Variants in CDC27 observed in about 807,000 individuals in gnomAD.
CDC27 encodes cell division cycle 27.
In CDC27, 27 loss-of-function variants were observed where a neutral mutation model predicts 109.7. That is an observed-to-expected ratio of 0.25 (90% CI 0.18 to 0.34). CDC27 has a LOEUF of 0.34. Ranked by LOEUF, CDC27 falls within the 10% of genes least tolerant of loss-of-function variation. CDC27 has a pLI of 1.00. For missense variants in CDC27, 579 were observed against 960.2 expected, an observed-to-expected ratio of 0.60 and a Z score of 5.25; for synonymous variants, 266 against 333.9, an observed-to-expected ratio of 0.80 and a Z score of 2.22.
At chr17:47,124,105 T>C in intron 16 of CDC27, 145 bp from the exon 17 acceptor site, 1 of 565,252 alleles carries the variant, frequency 1.8e-6, no homozygotes, top group Non-Finnish European at 3.1e-6. Flanking sequence ...TTAGTTCTTA[T>C]TGCTGTGAAA....
At chr17:47,167,657 C>CT (rs1447000629) in intron 4 of CDC27, among the ~76,000 whole-genome samples, 1 of 152,164 alleles carries the variant, frequency 6.6e-6, no homozygotes, top group Non-Finnish European at 1.5e-5. Context: ...CCTATTCTCT[C>CT]TTAACAGTAA....
chr17:47,179,541 T>C (rs2064145389), intron 2 of CDC27, among the ~76,000 whole-genome samples: 1 of 152,220 alleles, frequency 6.6e-6, no homozygotes, highest in Non-Finnish European at 1.5e-5. Context: ...GTCTATTTGA[T>C]AGGATTATTG....
At chr17:47,153,110 C>T (rs2063199085) in intron 8 of CDC27, among the ~76,000 whole-genome samples, 1 of 152,236 alleles carries the variant, frequency 6.6e-6, no homozygotes. Context: ...CAAAAGTCAA[C>T]TCTGGCTTTT....
In CDC27 at chr17:47,137,317, T is replaced by C. The variant is rs1383626562; in HGVS notation, c.1748A>G (p.His583Arg). 1 of 1,609,720 alleles carries C rather than the reference T, an allele frequency of 6.2e-7. No homozygotes were observed. The highest frequency in any genetic ancestry group is 1.7e-5 in the Admixed American group (1 of 59,386). ...CTGGAAGAATTTAATTGCAATATCA[T>C]GTTCCCGTTGCAGACTGAAACAGTT... ...AGNCFSLQRE[H>R]DIAIKFFQRA... The change falls in exon 14 of 19, where the codon CAT becomes CGT. Residue 583 changes from histidine (H) to arginine (R), a missense_variant. Around this residue, in one of 9 missense-constraint regions of CDC27, gnomAD observed 227 missense variants for 363.6 expected, o/e 0.62. Coordinates refer to ENST00000066544, the MANE Select transcript of CDC27 (RefSeq NM_001256.6).
At chr17:47,124,595 T>C (rs2148795849) in intron 16 of CDC27, among the ~76,000 whole-genome samples, 1 of 152,050 alleles carries the variant, frequency 6.6e-6, no homozygotes, top group African/African-American at 2.4e-5. Flanking sequence ...AGTGATTTAT[T>C]TTTTAACGAA....
chr17:47,174,025 C>T (rs2063902017), intron 2 of CDC27, among the ~76,000 whole-genome samples: 1 of 152,252 alleles, frequency 6.6e-6, no homozygotes, highest in African/African-American at 2.4e-5. Flanking sequence ...ACCCAGGAGG[C>T]AGAGACTGCA....
chr17:47,147,303 G>C (rs1280689891), intron 9 of CDC27, among the ~76,000 whole-genome samples: 1 of 151,662 alleles, frequency 6.6e-6, no homozygotes, highest in Non-Finnish European at 1.5e-5. Flanking sequence ...GGAGGCTGAG[G>C]CAGGAGAATG....
chr17:47,134,249 AT>A (rs2062495065), intron 14 of CDC27, among the ~76,000 whole-genome samples: 1 of 151,990 alleles, frequency 6.6e-6, no homozygotes, highest in South Asian at 2.1e-4. Flanking sequence ...ATCAAATCAA[AT>A]CAAATCAAAC....
chr17:47,154,621 T>C (rs190840742), intron 8 of CDC27, 51 bp downstream of exon 8: 1 of 932,512 alleles, frequency 1.1e-6, no homozygotes, highest in African/African-American at 1.7e-5. Flanking sequence ...AAGATTGAAA[T>C]AAACAAGTTG....
In CDC27 at chr17:47,120,129, T is replaced by C. The variant is rs1221686953; in HGVS notation, c.*806A>G. The C allele has an allele frequency of 2.0e-5, 3 of 152,212 alleles. No homozygotes were observed. The highest frequency in any genetic ancestry group is 7.2e-5 in the African/African-American group (3 of 41,452). The allele number at this position is 152,212 out of a possible 1,614,324, so 9.4% of individuals were successfully genotyped here. On this transcript the variant is annotated 3_prime_UTR_variant, in exon 19 of 19. Transcript: ENST00000066544. ...GGTTATTAAGGGCCTTGTTTTGGCT[T>C]CTCAGTGGGGAACCACTCTATCATC...
Position 47,158,317 on chromosome 17 carries a change from C to A in CDC27, c.378-14G>T. ...CGATCTGTCTTGCTGTGGAGAGAAA[C>A]AAGTAGATTAAATAAGCTACAAACC... On this transcript the variant is annotated splice_polypyrimidine_tract_variant and intron_variant, in intron 4 of 18. Transcript: ENST00000066544. 1 of 1,402,078 alleles carries A rather than the reference C, an allele frequency of 7.1e-7. No individual in the cohort carries two copies. Among genetic ancestry groups the A allele is most frequent in the Non-Finnish European group, 9.6e-7 (1 of 1,042,064 alleles). 86.9% of individuals were successfully genotyped at this position (1,402,078 alleles called of 1,614,324 possible). A position where few individuals can be genotyped will look rare whatever the true frequency, so the allele number is the denominator to read the frequency against.
rs1438544139 is a variant in CDC27 at position 47,157,313 on chromosome 17, A to C, written c.547T>G (p.Ser183Ala). The part of the protein sequence containing the change: ...LQNFSNCLPN[S>A]CTTQVPNHSL... ...TGATTAGGTACTTGTGTTGTGCAAGAGTTGGGCAGACAGTTGCTAAAGTTC... is the reference window on the plus strand; with the variant it reads ...TGATTAGGTACTTGTGTTGTGCAAGCGTTGGGCAGACAGTTGCTAAAGTTC... The change falls in exon 6 of 19, where the codon TCT (serine) becomes GCT (alanine). Residue 183 changes from serine to alanine, a missense_variant. Physicochemically the swap from Ser to Ala is moderately conservative, Grantham distance 99. Around this residue, in one of 9 missense-constraint regions of CDC27, gnomAD observed 57 missense variants for 59.0 expected, o/e 0.97. Transcript: ENST00000066544. 2 of 1,612,612 alleles carry C rather than the reference A, an allele frequency of 1.2e-6. No homozygotes were observed. The highest frequency in any genetic ancestry group is 2.2e-5 in the South Asian group (2 of 91,048).
chr17:47,155,169 G>C (rs891915925), intron 7 of CDC27, among the ~76,000 whole-genome samples: 1 of 152,172 alleles, frequency 6.6e-6, no homozygotes, highest in African/African-American at 2.4e-5. Context: ...TAACTCTCCA[G>C]AGTTGTAATC....
At chr17:47,133,016 TATATATATATATAC>T (rs1275587395) in intron 14 of CDC27, among the ~76,000 whole-genome samples, 32 of 45,910 alleles carry the variant, frequency 7.0e-4, no homozygotes, top group African/African-American at 1.1e-3. Context: ...TATATATATA[TATATATATATATAC>T]ACACACACAC....
intron 16 of CDC27, 106 bp downstream of exon 16, chr17:47,129,287 T>C: frequency 1.1e-6 from 1 of 873,340 alleles, no homozygotes; most frequent in Non-Finnish European, 1.7e-6. Context: ...CTTGGAAAAA[T>C]GTCTCAGATC....
chr17:47,150,463 G>A (rs1001457040), intron 9 of CDC27, among the ~76,000 whole-genome samples: 3 of 152,184 alleles, frequency 2.0e-5, no homozygotes, highest in Non-Finnish European at 4.4e-5. Context: ...GAAGACAGAG[G>A]AAGATACTGA....
intron 3 of CDC27, chr17:47,171,119 AG>A (rs1395218570): frequency 2.0e-5 from 3 of 152,242 alleles, no homozygotes; most frequent in Non-Finnish European, 2.9e-5. Flanking sequence ...AAAAAGAAAA[AG>A]GAACTGGCAA....
Position 47,186,026 on chromosome 17 carries a change from C to T in CDC27, c.27+3120G>A, listed in dbSNP as rs543180471. ...CAGCTTCCAACAAAGTATTAGCTTG[C>T]CCCAAATGTCAATAGTGCTCAGATT... On this transcript the variant is annotated intron_variant, in intron 1 of 18. Coordinates refer to ENST00000066544, the MANE Select transcript of CDC27 (RefSeq NM_001256.6). Among the ~76,000 whole-genome samples the T allele has an allele frequency of 7.2e-5, 11 of 152,302 alleles. 1 individual carries two copies. In the South Asian group the frequency reaches 2.1e-3, roughly 29 times the overall value.
At chr17:47,178,768 T>C (rs945356237) in intron 2 of CDC27, among the ~76,000 whole-genome samples, 1 of 151,978 alleles carries the variant, frequency 6.6e-6, no homozygotes, top group African/African-American at 2.4e-5. Flanking sequence ...TAAGATCAAA[T>C]GGCAAATGAG....
Sources: gnomAD v4.1 joint callset for allele counts (sites outside exome capture counted in the v4.1 genomes callset) on GRCh38, gnomAD v4.1.1 for gene constraint, gnomAD v4.1.1 regional missense constraint, MANE v1.5 for transcripts, NCBI Gene and HGNC (gene_info 2026-07-23, HGNC 2026-07-21) for gene names.